Variants in TTLL11 observed in about 807,000 individuals in gnomAD.
The protein encoded by TTLL11 is tubulin polyglutamylase TTLL11.
A neutral mutation model predicts 51.7 loss-of-function variants in TTLL11; 42 were observed. That is an observed-to-expected ratio of 0.81 (90% CI 0.64 to 1.05). The LOEUF is 1.05. Among genes scored for constraint, TTLL11 ranks in the 50% least tolerant of loss-of-function variants. The pLI is 0.00. For missense variants in TTLL11, 799 were observed against 940.4 expected, an observed-to-expected ratio of 0.85 and a Z score of 1.97; for synonymous variants, 381 against 383.5, an observed-to-expected ratio of 0.99 and a Z score of 0.08.
chr9:121,887,006 C>T (rs1459257460), intron 6 of TTLL11, among the ~76,000 whole-genome samples: 1 of 151,968 alleles, frequency 6.6e-6, no homozygotes, highest in East Asian at 1.9e-4. Context: ...GGTGTCCTTG[C>T]GAGGCTGGTA....
chr9:122,034,869 C>T (rs536288460), intron 2 of TTLL11, among the ~76,000 whole-genome samples: 9 of 152,312 alleles, frequency 5.9e-5, no homozygotes, highest in South Asian at 4.1e-4. Context: ...CCTGACCCCT[C>T]GTCACCTGTG....
intron 1 of TTLL11, among the ~76,000 whole-genome samples, chr9:122,058,277 T>C (rs1845346057): frequency 6.6e-6 from 1 of 152,196 alleles, no homozygotes; most frequent in Non-Finnish European, 1.5e-5. Context: ...GAGGAATTAA[T>C]GGCATGTAGC....
intron 1 of TTLL11, among the ~76,000 whole-genome samples, chr9:122,069,632 G>T (rs1245499942): frequency 6.6e-6 from 1 of 152,094 alleles, no homozygotes; most frequent in Non-Finnish European, 1.5e-5. Flanking sequence ...CAGTGAGTGG[G>T]ATCGCGCCAT....
chr9:121,942,738 A>AT (rs34352222), intron 6 of TTLL11, among the ~76,000 whole-genome samples: 2,613 of 97,854 alleles, frequency 0.027, 67 homozygotes, highest in East Asian at 0.06. Context: ...AATCTGTCTT[A>AT]TTTTTTTTTT....
chr9:121,968,776 G>T (rs908739122), intron 6 of TTLL11, among the ~76,000 whole-genome samples: 2 of 151,890 alleles, frequency 1.3e-5, no homozygotes, highest in African/African-American at 4.8e-5. Context: ...GGCCAGGCTG[G>T]TCTCAAACTC....
rs557415684 is a variant in TTLL11 at position 121,821,025 on chromosome 9, C to T, written c.*1562G>A. On this transcript the variant is annotated 3_prime_UTR_variant, in exon 9 of 9. Coordinates refer to ENST00000321582, the MANE Select transcript of TTLL11 (RefSeq NM_001139442.2). This position sits in a 1 kb window ranked among gnomAD's most constrained non-coding sequence, Gnocchi z 5.0. ...GTGAACTCCTGGCAGGAAGGAGCTC[C>T]AGGCAAGGATGAACAGAGCAGCCCC... Among the ~76,000 whole-genome samples, 6 of 152,030 alleles carry T rather than the reference C, an allele frequency of 3.9e-5. No individual in the cohort carries two copies. The East Asian group carries it at 9.8e-4, about 25-fold the overall frequency.
chr9:121,895,595 GGTT>G (rs955799755), intron 6 of TTLL11, among the ~76,000 whole-genome samples: 2 of 149,276 alleles, frequency 1.3e-5, no homozygotes, highest in South Asian at 4.3e-4. Context: ...GACTGTGTGT[GGTT>G]GTGTATGTGT....
At chr9:121,881,876 T>C (rs1216035879) in intron 6 of TTLL11, among the ~76,000 whole-genome samples, 2 of 152,156 alleles carry the variant, frequency 1.3e-5, no homozygotes, top group African/African-American at 4.8e-5. Context: ...GACCTTAAGA[T>C]GGAGATATTA....
In TTLL11 at chr9:121,890,157, A is replaced by G. The variant is rs1839170477; in HGVS notation, c.1482-19409T>C. Reference sequence around the variant, plus strand: ...TTCAGTTAGTCATTTTTCTACCCCAATTCTGAGCCTCCAGCTTTGTTCCTG... The same window carrying G: ...TTCAGTTAGTCATTTTTCTACCCCAGTTCTGAGCCTCCAGCTTTGTTCCTG... On this transcript the variant is annotated intron_variant, in intron 6 of 8. Coordinates refer to ENST00000321582, the MANE Select transcript of TTLL11 (RefSeq NM_001139442.2). This position sits in a 1 kb window ranked among gnomAD's most constrained non-coding sequence, Gnocchi z 4.3. 6.6e-6 allele frequency among the ~76,000 whole-genome samples: 1 copy of G among 152,276 alleles called. No homozygotes were observed. Among genetic ancestry groups the G allele is most frequent in the East Asian group, 1.9e-4 (1 of 5,176 alleles).
At chr9:121,887,051 G>C (rs995430242) in intron 6 of TTLL11, among the ~76,000 whole-genome samples, 3 of 152,178 alleles carry the variant, frequency 2.0e-5, no homozygotes, top group African/African-American at 7.2e-5. Context: ...CCAGGATGAT[G>C]AGCCTGTCAC....
At chr9:122,027,726 C>T (rs1319664503) in intron 3 of TTLL11, among the ~76,000 whole-genome samples, 1 of 152,178 alleles carries the variant, frequency 6.6e-6, no homozygotes, top group Admixed American at 6.5e-5. Context: ...GGGAATTTGT[C>T]ACCAGCAGAC....
At chr9:121,957,341 T>C (rs186126924) in intron 6 of TTLL11, among the ~76,000 whole-genome samples, 7 of 152,228 alleles carry the variant, frequency 4.6e-5, no homozygotes, top group Admixed American at 3.3e-4. Context: ...ACAGACTTGA[T>C]CATTTGAGCT....
At chr9:121,969,459 C>T (rs910676523) in intron 6 of TTLL11, among the ~76,000 whole-genome samples, 2 of 152,024 alleles carry the variant, frequency 1.3e-5, no homozygotes, top group African/African-American at 4.8e-5. Flanking sequence ...TGCATGCACA[C>T]GGGTCTGGGG....
At chr9:122,089,370 T>C (rs1428934803) in intron 1 of TTLL11, among the ~76,000 whole-genome samples, 1 of 152,178 alleles carries the variant, frequency 6.6e-6, no homozygotes, top group East Asian at 1.9e-4. Context: ...CAAGATGATC[T>C]CATCCAATAT....
chr9:121,931,424 C>T (rs73662530), intron 6 of TTLL11, among the ~76,000 whole-genome samples: 11,685 of 152,020 alleles, frequency 0.077, 653 homozygotes, highest in African/African-American at 0.16. Flanking sequence ...CACAACGTCT[C>T]ACCCCTGCCT....
At chr9:121,878,823 C>A (rs1389904193) in intron 6 of TTLL11, among the ~76,000 whole-genome samples, 1 of 152,208 alleles carries the variant, frequency 6.6e-6, no homozygotes, top group Non-Finnish European at 1.5e-5. Flanking sequence ...ACTGGGCCTG[C>A]AGCACGGTCA....
At chr9:121,824,255 T>C (rs56212245) in intron 8 of TTLL11, among the ~76,000 whole-genome samples, 5,216 of 152,066 alleles carry the variant, frequency 0.034, 111 homozygotes, top group Middle Eastern at 0.068. Context: ...GGTGGGCGGA[T>C]CACGAGGTCA....
chr9:122,025,147 A>G (rs10117161), intron 3 of TTLL11, among the ~76,000 whole-genome samples: 6,695 of 152,192 alleles, frequency 0.044, 172 homozygotes, highest in African/African-American at 0.073. Flanking sequence ...AATAAAAATA[A>G]ACAACCCAAT....
At chr9:122,018,109 C>CTTT (rs386416144) in intron 3 of TTLL11, among the ~76,000 whole-genome samples, 24 of 121,552 alleles carry the variant, frequency 2.0e-4, no homozygotes, top group African/African-American at 5.8e-4. Context: ...AATAATGCCA[C>CTTT]TTTTTTTTTT....
Sources: allele counts gnomAD v4.1 joint callset (sites outside exome capture counted in the v4.1 genomes callset), GRCh38; gene constraint gnomAD v4.1.1; non-coding constraint Gnocchi (gnomAD v3.1); transcripts MANE v1.5; gene names NCBI Gene and HGNC (gene_info 2026-07-23, HGNC 2026-07-21).